KLF8: variants seen among roughly 807,000 people sequenced by gnomAD.
KLF8 encodes the protein KLF transcription factor 8, also known as Krueppel-like factor 8.
A neutral mutation model predicts 18.2 loss-of-function variants in KLF8; 10 were observed. The ratio of observed to expected loss-of-function variants is 0.55; its 90% confidence interval spans 0.34 to 0.93. KLF8 has a LOEUF of 0.93. Ranked by LOEUF, KLF8 falls within the 40% of genes least tolerant of loss-of-function variation. The pLI is 0.02. For synonymous variants in KLF8, 109 were observed against 97.3 expected, an observed-to-expected ratio of 1.12 and a Z score of -0.71; for missense variants, 264 against 277.9, an observed-to-expected ratio of 0.95 and a Z score of 0.36.
At position 56,290,747 on chromosome X, in the gene KLF8, A is replaced by G. The variant is rs1349017097; in HGVS notation, c.*6253A>G. ...CTTTACTCTGAATAGTATAGGTAGG[A>G]GGAGGGAAGTTGGGTAGGGTGGTTG... On this transcript the variant is annotated 3_prime_UTR_variant, in exon 6 of 6. Coordinates refer to ENST00000468660, the MANE Select transcript of KLF8 (RefSeq NM_007250.5). Among the ~76,000 whole-genome samples, 1 of 110,327 alleles carries G rather than the reference A, an allele frequency of 9.1e-6. No individual in the cohort carries two copies. Among genetic ancestry groups the G allele is most frequent in the Non-Finnish European group, 1.9e-5 (1 of 52,758 alleles).
the KLF8 span, among the ~76,000 whole-genome samples, chrX:56,050,716 G>T: frequency 0.036 from 4,021 of 111,903 alleles, 86 homozygotes; most frequent in Non-Finnish European, 0.06. Context: ...AATATGTGTG[G>T]TGTGGTACTG....
At chrX:56,133,618 C>G in the KLF8 span, among the ~76,000 whole-genome samples, 5 of 111,132 alleles carry the variant, frequency 4.5e-5, no homozygotes, top group Non-Finnish European at 9.4e-5. Context: ...ACAAGGATGC[C>G]CACTCTCACC....
chrX:56,180,727 GT>G, the KLF8 span, among the ~76,000 whole-genome samples: 1 of 111,604 alleles, frequency 9.0e-6, no homozygotes, highest in Non-Finnish European at 1.9e-5. Flanking sequence ...GTACCTAGTA[GT>G]CATTCAGGAG....
At chrX:56,012,957 A>T in the KLF8 span, among the ~76,000 whole-genome samples, 1 of 112,177 alleles carries the variant, frequency 8.9e-6, no homozygotes, top group South Asian at 3.7e-4. Flanking sequence ...CCTGATTTCA[A>T]ACTATACTAT....
the KLF8 span, among the ~76,000 whole-genome samples, chrX:56,102,489 G>GA: frequency 4.5e-5 from 5 of 110,893 alleles, no homozygotes; most frequent in African/African-American, 6.5e-5. Context: ...CTAATTCTGT[G>GA]AAAAAAATGA....
intron 1 of KLF8, among the ~76,000 whole-genome samples, chrX:56,248,622 G>C (rs2066659497): frequency 2.7e-5 from 3 of 111,367 alleles, no homozygotes; most frequent in African/African-American, 9.8e-5. Context: ...AGGGAGAATC[G>C]AATCTTCTCC....
chrX:55,939,184 C>A, the KLF8 span, among the ~76,000 whole-genome samples: 1 of 111,647 alleles, frequency 9.0e-6, no homozygotes, highest in Non-Finnish European at 1.9e-5. Flanking sequence ...TCTCTCAGAC[C>A]ACAGTGCAAT....
At chrX:56,145,306 GTGT>G in the KLF8 span, among the ~76,000 whole-genome samples, 1 of 111,599 alleles carries the variant, frequency 9.0e-6, no homozygotes, top group South Asian at 3.7e-4. Context: ...AAAATAACAA[GTGT>G]TGATGAGAAT....
the KLF8 span, among the ~76,000 whole-genome samples, chrX:56,160,275 C>G: frequency 8.9e-6 from 1 of 111,733 alleles, no homozygotes; most frequent in East Asian, 2.8e-4. Flanking sequence ...AATTTCTGTT[C>G]TTTTACATTT....
chrX:56,251,936 T>C (rs769818851), intron 2 of KLF8, among the ~76,000 whole-genome samples: 1 of 111,890 alleles, frequency 8.9e-6, no homozygotes, highest in South Asian at 3.7e-4. Flanking sequence ...TAGATATTTT[T>C]TAAGTGTACA....
chrX:55,955,146 C>T, the KLF8 span, among the ~76,000 whole-genome samples: 3 of 111,088 alleles, frequency 2.7e-5, no homozygotes, highest in Non-Finnish European at 5.7e-5. Flanking sequence ...GTACATATAA[C>T]TCAACAAGGC....
the KLF8 span, among the ~76,000 whole-genome samples, chrX:56,056,116 C>A: frequency 8.9e-6 from 1 of 111,812 alleles, no homozygotes; most frequent in Non-Finnish European, 1.9e-5. Flanking sequence ...GTGGTGCAGT[C>A]ATTTGGAAGA....
chrX:56,156,368 C>T, the KLF8 span, among the ~76,000 whole-genome samples: 1 of 110,205 alleles, frequency 9.1e-6, no homozygotes, highest in Non-Finnish European at 1.9e-5. Flanking sequence ...GTGATTTTTC[C>T]TGATCCTCTC....
At chrX:56,236,694 A>G (rs2066478600) in intron 1 of KLF8, among the ~76,000 whole-genome samples, 1 of 110,924 alleles carries the variant, frequency 9.0e-6, no homozygotes, top group South Asian at 3.8e-4. Context: ...CTGGCTCAAA[A>G]TTCAGTATTT....
chrX:56,101,804 AT>A, the KLF8 span, among the ~76,000 whole-genome samples: 1 of 111,112 alleles, frequency 9.0e-6, no homozygotes, highest in Admixed American at 9.6e-5. Context: ...TTCATTTGAT[AT>A]TTACTTCTTG....
At chrX:56,214,107 C>T in the KLF8 span, among the ~76,000 whole-genome samples, 20 of 110,600 alleles carry the variant, frequency 1.8e-4, no homozygotes, top group Non-Finnish European at 3.8e-4. Flanking sequence ...TGTTCAGTTG[C>T]TTCTTCTCTT....
At chrX:56,138,685 C>A in the KLF8 span, among the ~76,000 whole-genome samples, 45 of 111,318 alleles carry the variant, frequency 4.0e-4, no homozygotes, top group African/African-American at 1.3e-3. Flanking sequence ...TAAGAGCCAT[C>A]TCTGACAGAC....
the KLF8 span, among the ~76,000 whole-genome samples, chrX:56,050,263 T>C: frequency 8.9e-6 from 1 of 111,881 alleles, no homozygotes; most frequent in Non-Finnish European, 1.9e-5. Context: ...GTGTCTCTAT[T>C]TCCTTCAGTT....
chrX:56,207,424 T>G, the KLF8 span, among the ~76,000 whole-genome samples: 2 of 112,376 alleles, frequency 1.8e-5, no homozygotes, highest in Non-Finnish European at 3.8e-5. Context: ...AACTTAATGC[T>G]TTTAACAGTA....
Sources: allele counts gnomAD v4.1 joint callset (sites outside exome capture counted in the v4.1 genomes callset), GRCh38; gene constraint gnomAD v4.1.1; transcripts MANE v1.5; gene names NCBI Gene and HGNC (gene_info 2026-07-23, HGNC 2026-07-21).